Variants in PTPN14 observed in about 807,000 individuals in gnomAD.
PTPN14 encodes protein tyrosine phosphatase non-receptor type 14.
PTPN14 carries 53 observed loss-of-function variants against 126.8 expected under a neutral mutation model. That is an observed-to-expected ratio of 0.42 (90% CI 0.34 to 0.53). PTPN14 has a LOEUF of 0.53. PTPN14 is among the 20% of genes least tolerant of loss of function. PTPN14 has a pLI of 0.08. For synonymous variants in PTPN14, 630 were observed against 599.3 expected (o/e 1.05, Z -0.75); for missense variants, 1,257 against 1,552.9 (o/e 0.81, Z 3.20).
chr1:214,399,937 T>A (rs1658977424), intron 7 of PTPN14, among the ~76,000 whole-genome samples: 4 of 152,144 alleles, frequency 2.6e-5, no homozygotes, highest in Admixed American at 1.3e-4. Context: ...AGTATCTTAC[T>A]CCTTCAAGGA....
chr1:214,452,073 T>A, intron 2 of PTPN14, 99 bp from the exon 3 acceptor site: 1 of 1,353,030 alleles, frequency 7.4e-7, no homozygotes. Context: ...CCACCCTGGG[T>A]TCCCCAGCCC....
At position 214,365,501 on chromosome 1, in the gene PTPN14, A is replaced by G. The variant is rs546365107; in HGVS notation, c.3272-826T>C. On this transcript the variant is annotated intron_variant, in intron 17 of 18. Transcript: ENST00000366956. ...TCCAAAAACCCCCAAAATGTAATTA[A>G]TAATTTAGATTTTGTAGTAGCTCAG... Among the ~76,000 whole-genome samples, 5 of 152,348 alleles carry G rather than the reference A, an allele frequency of 3.3e-5. No individual in the cohort carries two copies. The South Asian group carries it at 8.3e-4, about 25-fold the overall frequency.
chr1:214,531,075 T>G (rs1425134256), intron 1 of PTPN14: 1 of 152,136 alleles, frequency 6.6e-6, no homozygotes, highest in Non-Finnish European at 1.5e-5. Context: ...TAAAGTGAAC[T>G]GAAATTGAAA....
rs1659994655 is a variant in PTPN14, at chr1:214,439,628, A to AGG, written c.344+12176_344+12177insCC. On this transcript the variant is annotated intron_variant, in intron 3 of 18. Transcript: ENST00000366956. ...TGAGAGTTAGGAGGCTGTAAACCGA[A>AGG]ACATGTTGCAACATGTCCCGCTATG... Among the ~76,000 whole-genome samples the AGG allele has an allele frequency of 2.0e-5, 3 of 152,166 alleles. No homozygotes were observed. The South Asian group carries it at 6.2e-4, about 32-fold the overall frequency.
At position 214,512,661 on chromosome 1, in the gene PTPN14, T is replaced by C. The variant is rs149080383; in HGVS notation, c.-155+38522A>G. On this transcript the variant is annotated intron_variant, in intron 1 of 18. Coordinates refer to ENST00000366956, the MANE Select transcript of PTPN14 (RefSeq NM_005401.5). ...TTGCACACTTAAAAAATTTTATGTG[T>C]TTTTCACTACAATGTTTTTAGATGC... 9.4e-4 allele frequency among the ~76,000 whole-genome samples: 143 copies of C among 152,220 alleles called. 1 individual carries two copies. The highest frequency in any genetic ancestry group is 3.4e-3 in the African/African-American group (140 of 41,524).
At chr1:214,547,188 G>T (rs1475514193) in intron 1 of PTPN14, among the ~76,000 whole-genome samples, 1 of 152,048 alleles carries the variant, frequency 6.6e-6, no homozygotes, top group Non-Finnish European at 1.5e-5. Flanking sequence ...ATATGGCAAA[G>T]GCACTGCTGG....
chr1:214,472,474 T>A (rs1660780898), intron 1 of PTPN14, among the ~76,000 whole-genome samples: 1 of 152,224 alleles, frequency 6.6e-6, no homozygotes, highest in Admixed American at 6.5e-5. Context: ...CCTTTTCTTG[T>A]AAGTTACCCA....
chr1:214,375,655 A>G (rs1658327368), intron 15 of PTPN14, among the ~76,000 whole-genome samples: 1 of 152,242 alleles, frequency 6.6e-6, no homozygotes, highest in Non-Finnish European at 1.5e-5. Flanking sequence ...AAATTTAGTA[A>G]CACAAATTCA....
At chr1:214,446,439 A>G (rs1054411067) in intron 3 of PTPN14, among the ~76,000 whole-genome samples, 3 of 152,206 alleles carry the variant, frequency 2.0e-5, no homozygotes, top group African/African-American at 4.8e-5. Context: ...CTCAAAAGCC[A>G]TATCTAGCAG....
intron 13 of PTPN14, among the ~76,000 whole-genome samples, chr1:214,382,707 A>G: frequency 6.6e-6 from 1 of 152,188 alleles, no homozygotes; most frequent in East Asian, 1.9e-4. Flanking sequence ...GTATGTATAT[A>G]TGTATGTGTG....
chr1:214,480,100 C>G (rs1419870274), intron 1 of PTPN14, among the ~76,000 whole-genome samples: 1 of 152,108 alleles, frequency 6.6e-6, no homozygotes, highest in Non-Finnish European at 1.5e-5. Flanking sequence ...TAGGTTGGTT[C>G]TAATTTTTTG....
chr1:214,370,237 G>A (rs906168013), intron 16 of PTPN14, among the ~76,000 whole-genome samples: 2 of 147,122 alleles, frequency 1.4e-5, no homozygotes, highest in African/African-American at 5.0e-5. Flanking sequence ...CCAAGATCAC[G>A]CCACTGCACC....
At position 214,352,874 on chromosome 1, in the gene PTPN14, C is replaced by T. The variant is rs2102493681; in HGVS notation, c.*5048G>A. ...TTGGCAATATAATAAAACACAGCAG[C>T]AGAATAATTGTTGGTAAAACATGGG... On this transcript the variant is annotated 3_prime_UTR_variant, in exon 19 of 19. Coordinates refer to ENST00000366956, the MANE Select transcript of PTPN14 (RefSeq NM_005401.5). The T allele has an allele frequency of 6.6e-6, 1 of 152,268 alleles. No individual in the cohort carries two copies. Among genetic ancestry groups the T allele is most frequent in the South Asian group, 2.1e-4 (1 of 4,820 alleles). 9.4% of individuals were successfully genotyped at this position (152,268 alleles called of 1,614,324 possible).
At chr1:214,397,786 T>A in intron 8 of PTPN14, 127 bp downstream of exon 8, 1 of 724,072 alleles carries the variant, frequency 1.4e-6, no homozygotes, top group Admixed American at 2.7e-5. Flanking sequence ...GCTCACCTTA[T>A]ATGAGCTGAG....
Position 214,443,805 on chromosome 1 carries a change from G to T in PTPN14, c.344+8000C>A, listed in dbSNP as rs1254453945. Among the ~76,000 whole-genome samples the T allele has an allele frequency of 2.0e-5, 3 of 152,218 alleles. No homozygotes were observed. The East Asian group carries it at 5.8e-4, about 29-fold the overall frequency. On this transcript the variant is annotated intron_variant, in intron 3 of 18. Transcript: ENST00000366956. ...GCACAGGTCACAGACCCATGAAGCTGGTCCTGGTCCCAGGAGACATTTGCC... is the reference window on the plus strand; with the variant it reads ...GCACAGGTCACAGACCCATGAAGCTTGTCCTGGTCCCAGGAGACATTTGCC...
intron 3 of PTPN14, among the ~76,000 whole-genome samples, chr1:214,416,219 GATC>G (rs2102586953): frequency 6.6e-6 from 1 of 152,258 alleles, no homozygotes; most frequent in African/African-American, 2.4e-5. Flanking sequence ...TGATCGCTGT[GATC>G]ATGTTTTTGT....
intron 5 of PTPN14, among the ~76,000 whole-genome samples, chr1:214,403,421 T>C (rs369505527): frequency 6.6e-6 from 1 of 152,036 alleles, no homozygotes; most frequent in East Asian, 1.9e-4. Flanking sequence ...GAAGGCAGAG[T>C]AGGCTCATTC....
chr1:214,372,700 A>T lies in PTPN14; in HGVS notation c.3036+11T>A. On this transcript the variant is annotated intron_variant, in intron 16 of 18. Coordinates refer to ENST00000366956, the MANE Select transcript of PTPN14 (RefSeq NM_005401.5). ...GGGGAAAAAGGATGTGGAGTAGGCCATTCCCCTTACCTCCTCTGCAGTGAC... is the reference window on the plus strand; with the variant it reads ...GGGGAAAAAGGATGTGGAGTAGGCCTTTCCCCTTACCTCCTCTGCAGTGAC... The T allele has an allele frequency of 6.2e-7, 1 of 1,613,998 alleles. No homozygotes were observed.
chr1:214,436,976 A>G (rs1384755246), intron 3 of PTPN14, among the ~76,000 whole-genome samples: 1 of 150,902 alleles, frequency 6.6e-6, no homozygotes, highest in African/African-American at 2.4e-5. Flanking sequence ...CTGGAAAATT[A>G]AGATAACTGC....
Sources: gnomAD v4.1 joint callset for allele counts (sites outside exome capture counted in the v4.1 genomes callset) on GRCh38, gnomAD v4.1.1 for gene constraint, MANE v1.5 for transcripts, NCBI Gene and HGNC (gene_info 2026-07-23, HGNC 2026-07-21) for gene names.